Variants in NFATC2 observed in about 807,000 individuals in gnomAD.
NFATC2 encodes the protein nuclear factor of activated T-cells, cytoplasmic 2.
NFATC2 carries 22 observed loss-of-function variants against 87.3 expected under a neutral mutation model. The ratio of observed to expected loss-of-function variants is 0.25; its 90% CI spans 0.18 to 0.36. The LOEUF is 0.36. Ranked by LOEUF, NFATC2 falls within the 10% of genes least tolerant of loss-of-function variation. The probability of loss-of-function intolerance (pLI) is 1.00; values close to 1 mark genes in which losing one functional copy is unlikely to be tolerated. For synonymous variants in NFATC2, 565 were observed against 542.2 expected, an observed-to-expected ratio of 1.04 and a Z score of -0.58; for missense variants, 1,149 against 1,259.1, an observed-to-expected ratio of 0.91 and a Z score of 1.32.
intron 5 of NFATC2, among the ~76,000 whole-genome samples, chr20:51,462,776 G>C (rs1987290964): frequency 6.6e-6 from 1 of 152,138 alleles, no homozygotes; most frequent in Non-Finnish European, 1.5e-5. Context: ...TAAACTTCAT[G>C]AGACCACAAA....
At chr20:51,505,841 C>T (rs1303853184) in intron 3 of NFATC2, among the ~76,000 whole-genome samples, 2 of 152,194 alleles carry the variant, frequency 1.3e-5, no homozygotes, top group East Asian at 3.8e-4. Flanking sequence ...CCCTAACTCA[C>T]ACCCATGCCA....
intron 3 of NFATC2, among the ~76,000 whole-genome samples, chr20:51,478,178 TG>T (rs1988924798): frequency 1.3e-5 from 2 of 152,222 alleles, no homozygotes; most frequent in South Asian, 4.1e-4. Context: ...GAGGCGGCCT[TG>T]GGCCAAGATG....
chr20:51,438,424 A>C (rs1600730103), intron 6 of NFATC2, among the ~76,000 whole-genome samples: 1 of 141,112 alleles, frequency 7.1e-6, no homozygotes, highest in Non-Finnish European at 1.5e-5. Flanking sequence ...TTCTTTTTCC[A>C]CTTATATGAG....
At chr20:51,447,402 GAC>G (rs1470400662) in intron 6 of NFATC2, among the ~76,000 whole-genome samples, 1 of 152,212 alleles carries the variant, frequency 6.6e-6, no homozygotes, top group Non-Finnish European at 1.5e-5. Flanking sequence ...GCCCCCGCAG[GAC>G]ACACAGAGCC....
At chr20:51,490,746 G>C (rs1367309807) in intron 3 of NFATC2, among the ~76,000 whole-genome samples, 1 of 152,044 alleles carries the variant, frequency 6.6e-6, no homozygotes, top group African/African-American at 2.4e-5. Flanking sequence ...TTTGAGCCCG[G>C]GAGTTTGAGA....
chr20:51,529,414 T>C (rs1345867321), intron 1 of NFATC2, among the ~76,000 whole-genome samples: 1 of 152,160 alleles, frequency 6.6e-6, no homozygotes, highest in Non-Finnish European at 1.5e-5. Context: ...GCAGGGAATA[T>C]GAAGATAATT....
intron 5 of NFATC2, among the ~76,000 whole-genome samples, chr20:51,463,864 A>G (rs1242869554): frequency 1.3e-5 from 2 of 152,202 alleles, no homozygotes; most frequent in Non-Finnish European, 2.9e-5. Context: ...CTGTGGGTAC[A>G]TCGTAGGTGT....
intron 3 of NFATC2, among the ~76,000 whole-genome samples, chr20:51,502,707 A>G (rs2076110117): frequency 6.6e-6 from 1 of 152,184 alleles, no homozygotes; most frequent in Admixed American, 6.5e-5. Context: ...GTGTGTCCTG[A>G]GGGTTTATTT....
rs775565853 is a variant in NFATC2 at position 51,432,308 on chromosome 20, C to A, written c.2481G>T (p.Glu827Asp). The change falls in exon 9 of 11, where the codon GAG becomes GAT. Residue 827 changes from glutamate to aspartate, a missense_variant. Around this residue, in one of 3 missense-constraint regions of NFATC2, gnomAD observed 581 missense variants for 649.7 expected, o/e 0.89. Transcript: ENST00000371564. The surrounding 1 kb of genome is among the most constrained non-coding windows in gnomAD (Gnocchi z 4.6). The part of the protein sequence containing the change: ...NQQLRCGSHQ[E>D]FQHIMYCENF... ...TCTCGCAGTACATGATGTGCTGGAA[C>A]TCCTGGTGGCTTCCGCAGCGCAGCT... The A allele has an allele frequency of 1.2e-6, 2 of 1,614,248 alleles. No individual in the cohort carries two copies. Among genetic ancestry groups the A allele is most frequent in the East Asian group, 2.2e-5 (1 of 44,884 alleles).
chr20:51,440,639 T>C (rs1050072225), intron 6 of NFATC2, among the ~76,000 whole-genome samples: 1 of 152,204 alleles, frequency 6.6e-6, no homozygotes, highest in Non-Finnish European at 1.5e-5. Flanking sequence ...TTCTTTCTTT[T>C]GCACCCTTTT....
chr20:51,400,434 C>A (rs1158794404), intron 9 of NFATC2, among the ~76,000 whole-genome samples: 1 of 149,514 alleles, frequency 6.7e-6, no homozygotes, highest in African/African-American at 2.5e-5. Context: ...AACCTTCAAA[C>A]ACCAAACCAC....
chr20:51,464,610 T>C (rs1987489128), intron 5 of NFATC2, among the ~76,000 whole-genome samples: 1 of 151,702 alleles, frequency 6.6e-6, no homozygotes, highest in Admixed American at 6.6e-5. Context: ...AATGCTCCAG[T>C]TTCATCCAAG....
chr20:51,424,525 G>A (rs538781669), intron 9 of NFATC2, among the ~76,000 whole-genome samples: 4 of 152,100 alleles, frequency 2.6e-5, no homozygotes, highest in Admixed American at 1.3e-4. Flanking sequence ...CCAGAGAGTC[G>A]GGCACCATTA....
intron 10 of NFATC2, among the ~76,000 whole-genome samples, chr20:51,396,116 A>C (rs1221585528): frequency 6.9e-6 from 1 of 144,716 alleles, no homozygotes; most frequent in Non-Finnish European, 1.5e-5. Context: ...AAGAAGAAAA[A>C]GCAGGGTGTT....
intron 3 of NFATC2, among the ~76,000 whole-genome samples, chr20:51,510,233 G>A (rs1412873573): frequency 1.3e-5 from 2 of 152,188 alleles, no homozygotes; most frequent in South Asian, 2.1e-4. Context: ...CCCCTCCAGG[G>A]AATTTCTGTG....
chr20:51,503,899 A>C (rs1177459263), intron 3 of NFATC2, among the ~76,000 whole-genome samples: 2 of 152,212 alleles, frequency 1.3e-5, no homozygotes, highest in African/African-American at 4.8e-5. Flanking sequence ...GCTGGAGTGC[A>C]GTGGTGCAAT....
intron 10 of NFATC2, among the ~76,000 whole-genome samples, chr20:51,395,371 T>C (rs1986910992): frequency 6.7e-6 from 1 of 149,252 alleles, no homozygotes; most frequent in Non-Finnish European, 1.5e-5. Flanking sequence ...CTCTTTCTTT[T>C]GGGGATCCCA....
intron 9 of NFATC2, among the ~76,000 whole-genome samples, chr20:51,403,604 T>C (rs1988273782): frequency 6.6e-6 from 1 of 152,152 alleles, no homozygotes; most frequent in Admixed American, 6.5e-5. Context: ...TGGGAGATAA[T>C]TAGGACTTGG....
At chr20:51,509,895 C>T (rs776199342) in intron 3 of NFATC2, among the ~76,000 whole-genome samples, 4 of 152,252 alleles carry the variant, frequency 2.6e-5, no homozygotes, top group Non-Finnish European at 5.9e-5. Context: ...GTAGCCTGGA[C>T]AGGTGGGCCT....
Sources: gnomAD v4.1 joint callset for allele counts (sites outside exome capture counted in the v4.1 genomes callset) on GRCh38, gnomAD v4.1.1 for gene constraint, gnomAD v4.1.1 regional missense constraint, Gnocchi (gnomAD v3.1) non-coding constraint, MANE v1.5 for transcripts, NCBI Gene and HGNC (gene_info 2026-07-23, HGNC 2026-07-21) for gene names.